DLGAP4: variants seen among roughly 807,000 people sequenced by gnomAD.
DLGAP4 encodes the protein DLG associated protein 4.
In DLGAP4, 18 loss-of-function variants were observed where a neutral mutation model predicts 86.9. That is an observed-to-expected ratio of 0.21 (90% CI 0.14 to 0.31). DLGAP4 has a LOEUF of 0.31. Among genes scored for constraint, DLGAP4 ranks in the 10% least tolerant of loss-of-function variants. DLGAP4 has a pLI of 1.00. For missense variants in DLGAP4, 1,085 were observed against 1,362.6 expected (o/e 0.80, Z 3.21); for synonymous variants, 548 against 574.3 (o/e 0.95, Z 0.65).
At chr20:36,480,443 G>A (rs1210067085) in intron 7 of DLGAP4, among the ~76,000 whole-genome samples, 2 of 152,202 alleles carry the variant, frequency 1.3e-5, no homozygotes, top group Non-Finnish European at 2.9e-5. Flanking sequence ...AGTGGCTCAC[G>A]CCTGTAATCC....
At chr20:36,403,184 A>G (rs2032213679) in intron 2 of DLGAP4, among the ~76,000 whole-genome samples, 1 of 152,238 alleles carries the variant, frequency 6.6e-6, no homozygotes, top group Non-Finnish European at 1.5e-5. Context: ...GAGGCTGGGA[A>G]GTCCAAGTCA....
At chr20:36,524,103 T>G in intron 10 of DLGAP4, 147 bp from the exon 11 acceptor site, 1 of 694,746 alleles carries the variant, frequency 1.4e-6, no homozygotes, top group Non-Finnish European at 2.6e-6. Context: ...GAGAATGGAT[T>G]AATGTGTAGA....
intron 2 of DLGAP4, among the ~76,000 whole-genome samples, chr20:36,377,068 GA>G (rs1347737650): frequency 1.3e-5 from 2 of 152,208 alleles, no homozygotes; most frequent in East Asian, 3.9e-4. Flanking sequence ...GGAAACCAGA[GA>G]GGGGCTTGGC....
chr20:36,332,211 G>A (rs1319393993), intron 1 of DLGAP4, among the ~76,000 whole-genome samples: 1 of 152,048 alleles, frequency 6.6e-6, no homozygotes, highest in Non-Finnish European at 1.5e-5. Context: ...GGGGCAGGAG[G>A]CTGGGCTGGG....
At chr20:36,340,207 C>A (rs540968071) in intron 1 of DLGAP4, among the ~76,000 whole-genome samples, 1 of 152,164 alleles carries the variant, frequency 6.6e-6, no homozygotes, top group African/African-American at 2.4e-5. Flanking sequence ...TCCCCAACAT[C>A]AGCTCCTCCC....
chr20:36,327,667 C>T (rs2065229318), intron 1 of DLGAP4, among the ~76,000 whole-genome samples: 1 of 145,800 alleles, frequency 6.9e-6, no homozygotes, highest in Non-Finnish European at 1.5e-5. Flanking sequence ...TCTCGGCTCA[C>T]TGCAAGCTCC....
intron 1 of DLGAP4, among the ~76,000 whole-genome samples, chr20:36,317,349 TTC>T (rs1327988788): frequency 3.3e-5 from 5 of 149,486 alleles, no homozygotes; most frequent in East Asian, 1.9e-4. Context: ...CTTTCTTTCC[TTC>T]TCTCTTTCTT....
chr20:36,427,867 C>T (rs573337335), intron 2 of DLGAP4, among the ~76,000 whole-genome samples: 44 of 150,514 alleles, frequency 2.9e-4, no homozygotes, highest in Non-Finnish European at 5.3e-4. Context: ...CGCTGGAACC[C>T]AGGAGGCAGA....
At chr20:36,425,903 G>A (rs1278824222) in intron 2 of DLGAP4, among the ~76,000 whole-genome samples, 1 of 152,132 alleles carries the variant, frequency 6.6e-6, no homozygotes, top group Non-Finnish European at 1.5e-5. Flanking sequence ...CAAAACAATT[G>A]AAAACAGAGA....
intron 1 of DLGAP4, among the ~76,000 whole-genome samples, chr20:36,334,429 G>A (rs141946998): frequency 0.014 from 2,103 of 152,306 alleles, 21 homozygotes; most frequent in Non-Finnish European, 0.022. Flanking sequence ...GGGGAAAGGA[G>A]AACCATTGAG....
At chr20:36,340,597 G>A (rs1555892404) in intron 1 of DLGAP4, among the ~76,000 whole-genome samples, 1 of 152,130 alleles carries the variant, frequency 6.6e-6, no homozygotes, top group East Asian at 1.9e-4. Flanking sequence ...TGTGACCAGG[G>A]AAATGGCCAC....
intron 1 of DLGAP4, among the ~76,000 whole-genome samples, chr20:36,313,403 G>A (rs1433862824): frequency 2.6e-5 from 4 of 152,302 alleles, no homozygotes; most frequent in Non-Finnish European, 5.9e-5. Flanking sequence ...AGCTGAACAG[G>A]GCCCAAGTTG....
At chr20:36,512,932 T>C (rs1487120016) in intron 10 of DLGAP4, among the ~76,000 whole-genome samples, 20 of 46,746 alleles carry the variant, frequency 4.3e-4, no homozygotes, top group South Asian at 2.6e-3. Context: ...TCAGAGGCCC[T>C]TTTTTTTTTT....
intron 7 of DLGAP4, among the ~76,000 whole-genome samples, chr20:36,486,124 A>G (rs1415955799): frequency 6.6e-6 from 1 of 152,162 alleles, no homozygotes; most frequent in Non-Finnish European, 1.5e-5. Flanking sequence ...GGGTTTGTTC[A>G]TTCGTTCAGT....
At chr20:36,361,708 C>T (rs185680314) in intron 1 of DLGAP4, among the ~76,000 whole-genome samples, 43 of 152,244 alleles carry the variant, frequency 2.8e-4, no homozygotes, top group African/African-American at 9.9e-4. Context: ...CATGGTGGCT[C>T]ATGCCTGTAA....
At chr20:36,493,014 T>C (rs1182630829) in intron 7 of DLGAP4, 1 of 150,588 alleles carries the variant, frequency 6.6e-6, no homozygotes, top group African/African-American at 2.5e-5. Context: ...GGCTGGGGAG[T>C]GGTAGAAATT....
chr20:36,427,011 T>C (rs1001638073), intron 2 of DLGAP4, among the ~76,000 whole-genome samples: 14 of 150,144 alleles, frequency 9.3e-5, no homozygotes, highest in African/African-American at 3.5e-4. Flanking sequence ...GACTCCTGTC[T>C]GTACCAAAAA....
chr20:36,424,652 A>G (rs942644083), intron 2 of DLGAP4, among the ~76,000 whole-genome samples: 4 of 151,980 alleles, frequency 2.6e-5, no homozygotes, highest in Non-Finnish European at 4.4e-5. Context: ...AGCCGTTCTC[A>G]TTCCTCTGAC....
chr20:36,520,199 T>C, intron 10 of DLGAP4, among the ~76,000 whole-genome samples: 1 of 152,232 alleles, frequency 6.6e-6, no homozygotes, highest in African/African-American at 2.4e-5. Flanking sequence ...TGGAGAACTA[T>C]CCTTGTACAT....
Sources: gnomAD v4.1 joint callset for allele counts (sites outside exome capture counted in the v4.1 genomes callset) on GRCh38, gnomAD v4.1.1 for gene constraint, MANE v1.5 for transcripts, NCBI Gene and HGNC (gene_info 2026-07-23, HGNC 2026-07-21) for gene names.